The following ARHGAP39 variants were observed in gnomAD, a reference collection of about 807,000 sequenced individuals.
ARHGAP39 encodes the protein Rho GTPase activating protein 39.
In ARHGAP39, 44 loss-of-function variants were observed where a neutral mutation model predicts 106.9. That is an observed-to-expected ratio of 0.41 (90% CI 0.32 to 0.53). The LOEUF is 0.53. Ranked by LOEUF, ARHGAP39 falls within the 20% of genes least tolerant of loss-of-function variation. The pLI, the probability that ARHGAP39 is intolerant of heterozygous loss-of-function variation, is 0.21. For synonymous variants in ARHGAP39, 768 were observed against 693.2 expected, an observed-to-expected ratio of 1.11 and a Z score of -1.69; for missense variants, 1,496 against 1,577.3, an observed-to-expected ratio of 0.95 and a Z score of 0.87.
rs976457171 is a variant in ARHGAP39, at chr8:144,641,483, C to T, written c.-81-35788G>A. 2.6e-5 allele frequency among the ~76,000 whole-genome samples: 4 copies of T among 152,028 alleles called. No individual in the cohort carries two copies. Among genetic ancestry groups the T allele is most frequent in the African/African-American group, 7.2e-5 (3 of 41,386 alleles). ...CAGTGGCGCCCAGGTGGCCAACTCC[C>T]GAGGCAGGAGCTCAGGCAGGGCCCT... On this transcript the variant is annotated intron_variant, in intron 1 of 11. Transcript: ENST00000377307. This position sits in a 1 kb window ranked among gnomAD's most constrained non-coding sequence, Gnocchi z 5.2.
At chr8:144,598,429 G>A (rs1297132086) in intron 2 of ARHGAP39, among the ~76,000 whole-genome samples, 4 of 152,202 alleles carry the variant, frequency 2.6e-5, no homozygotes, top group Non-Finnish European at 5.9e-5. Context: ...AGAGACTCTC[G>A]ATGAGTCAGG....
At chr8:144,606,830 T>C (rs1820310129) in intron 1 of ARHGAP39, among the ~76,000 whole-genome samples, 1 of 152,076 alleles carries the variant, frequency 6.6e-6, no homozygotes, top group African/African-American at 2.4e-5. Context: ...ATGTTAAAAG[T>C]AAAATAATAA....
intron 1 of ARHGAP39, among the ~76,000 whole-genome samples, chr8:144,620,815 G>A (rs964563035): frequency 3.3e-5 from 5 of 152,258 alleles, no homozygotes; most frequent in Non-Finnish European, 5.9e-5. Flanking sequence ...GGGACAGGCA[G>A]GGACTGTGAG....
At chr8:144,543,032 C>T (rs896851991) in intron 6 of ARHGAP39, among the ~76,000 whole-genome samples, 10 of 151,682 alleles carry the variant, frequency 6.6e-5, no homozygotes, top group African/African-American at 2.2e-4. Flanking sequence ...TGCAGTGGTA[C>T]GATCATGACT....
chr8:144,547,233 CTCCAGT>C lies in ARHGAP39; in HGVS notation c.1847_1852del (p.His616_Trp617del), dbSNP rs1564840180. 1.2e-6 allele frequency: 2 copies of C among 1,612,642 alleles called. No individual in the cohort carries two copies. Among genetic ancestry groups the C allele is most frequent in the Non-Finnish European group, 1.7e-6 (2 of 1,179,806 alleles). On this transcript the variant is annotated inframe_deletion, in exon 5 of 12. Coordinates refer to ENST00000377307, the MANE Select transcript of ARHGAP39 (RefSeq NM_025251.3). This position sits in a 1 kb window ranked among gnomAD's most constrained non-coding sequence, Gnocchi z 5.2. ...GCCTAGCTTCTCGAAGGTGCCCCTC[CTCCAGT>C]GCCTGTTCTCCTGCTGGGCCAGCGC...
intron 1 of ARHGAP39, among the ~76,000 whole-genome samples, chr8:144,660,397 T>C (rs188388080): frequency 1.3e-5 from 2 of 152,328 alleles, no homozygotes; most frequent in African/African-American, 2.4e-5. Context: ...CAAGGTCACA[T>C]CACTTTCATC....
At chr8:144,639,325 CA>C (rs1320599462) in intron 1 of ARHGAP39, among the ~76,000 whole-genome samples, 226 of 64,878 alleles carry the variant, frequency 3.5e-3, no homozygotes, top group South Asian at 8.4e-3. Context: ...GATGCTGTCT[CA>C]AAAAAAAAAA....
rs781696294 is a variant in ARHGAP39, at chr8:144,532,376, T to G, written c.2909A>C (p.Glu970Ala). Residue 970 changes from glutamate (E) to alanine (A), a missense_variant, in exon 10 of 12, where the codon GAG (glutamate) becomes GCG (alanine). Glu to Ala is a moderately radical substitution (Grantham distance 107, BLOSUM62 -1). Transcript: ENST00000377307. ...CACCTGCAGCTTCAGGGCATTCACC[T>G]CGTCAATGTCCCCAGGGACCCTGCA... ...GIFRVPGDID[E>A]VNALKLQVDQ... 1 of 1,606,560 alleles carries G rather than the reference T, an allele frequency of 6.2e-7. No homozygotes were observed. The highest frequency in any genetic ancestry group is 8.5e-7 in the Non-Finnish European group (1 of 1,177,488).
intron 4 of ARHGAP39, among the ~76,000 whole-genome samples, chr8:144,553,636 C>T (rs532225967): frequency 6.6e-5 from 10 of 152,356 alleles, no homozygotes; most frequent in African/African-American, 2.4e-4. Flanking sequence ...GGACCTCTGT[C>T]CCAAGGTCTC....
chr8:144,534,019 C>T (rs749080378), intron 8 of ARHGAP39, 110 bp downstream of exon 8: 8 of 1,254,754 alleles, frequency 6.4e-6, no homozygotes, highest in Non-Finnish European at 9.0e-6. Flanking sequence ...CCATGTGGCA[C>T]CCTCTGCGCT....
chr8:144,693,662 C>G, the ARHGAP39 span, among the ~76,000 whole-genome samples: 2 of 152,108 alleles, frequency 1.3e-5, no homozygotes, highest in East Asian at 1.9e-4. Context: ...CGTGAGCCAC[C>G]GCGCCCAGCC....
At chr8:144,696,020 GA>G in the ARHGAP39 span, among the ~76,000 whole-genome samples, 1 of 152,184 alleles carries the variant, frequency 6.6e-6, no homozygotes, top group Admixed American at 6.5e-5. Context: ...GTGATTAAAG[GA>G]AAGAGGGAGA....
rs979985104 is a variant in ARHGAP39, at chr8:144,548,486, G to A, written c.600C>T (p.Thr200=). The A allele has an allele frequency of 6.2e-7, 1 of 1,608,166 alleles. No homozygotes were observed. Reference sequence around the variant, plus strand: ...CGCCCGAGTTCCACCGCAGCGAGGAGGTCCTGCGTGGGGGGTGGACGGGCA... The same window carrying A: ...CGCCCGAGTTCCACCGCAGCGAGGAAGTCCTGCGTGGGGGGTGGACGGGCA... The part of the protein sequence containing the change: ...SADGQLLHYR[T]SSLRWNSGAK... Residue 200 remains threonine, a synonymous_variant, in exon 5 of 12, where the codon ACC becomes ACT. Coordinates refer to ENST00000377307, the MANE Select transcript of ARHGAP39 (RefSeq NM_025251.3). The surrounding 1 kb of genome is among the most constrained non-coding windows in gnomAD (Gnocchi z 7.4).
intron 1 of ARHGAP39, among the ~76,000 whole-genome samples, chr8:144,631,315 C>T (rs1586627218): frequency 6.6e-6 from 1 of 152,228 alleles, no homozygotes; most frequent in South Asian, 2.1e-4. Flanking sequence ...CAGGAACGGA[C>T]GAGGCCCCAT....
intron 1 of ARHGAP39, among the ~76,000 whole-genome samples, chr8:144,655,160 C>A (rs1336119397): frequency 6.6e-6 from 1 of 152,148 alleles, no homozygotes; most frequent in Non-Finnish European, 1.5e-5. Context: ...CCCGGTGAGG[C>A]CCCACCTCAG....
At chr8:144,640,490 C>T (rs1821285840) in intron 1 of ARHGAP39, among the ~76,000 whole-genome samples, 1 of 152,224 alleles carries the variant, frequency 6.6e-6, no homozygotes, top group African/African-American at 2.4e-5. Context: ...ACTTGCTCCT[C>T]CTTGCCTTGC....
At chr8:144,635,060 T>C (rs1333331807) in intron 1 of ARHGAP39, among the ~76,000 whole-genome samples, 1 of 152,274 alleles carries the variant, frequency 6.6e-6, no homozygotes, top group Non-Finnish European at 1.5e-5. Context: ...CTGGTGATAC[T>C]GTAAAATGTG....
rs756357950 is a variant in ARHGAP39, at chr8:144,548,059, C to A, written c.1027G>T (p.Gly343Cys). ...CGGCCCGGCGACCGCTGGGGAGAGCCGGCCTGGTAGCCCCCGCCAGCCTCG... is the reference window on the plus strand; with the variant it reads ...CGGCCCGGCGACCGCTGGGGAGAGCAGGCCTGGTAGCCCCCGCCAGCCTCG... ...QFEAGGGYQA[G>C]SPQRSPGRKP... is the part of the protein sequence containing the mutation. Residue 343 changes from glycine (G) to cysteine (C), a missense_variant, in exon 5 of 12, where the codon GGC (glycine) becomes TGC (cysteine). By Grantham distance (159) the Gly-to-Cys change is radical. Around this residue, in one of 4 missense-constraint regions of ARHGAP39, gnomAD observed 905 missense variants for 816.4 expected, o/e 1.11. Coordinates refer to ENST00000377307, the MANE Select transcript of ARHGAP39 (RefSeq NM_025251.3). The surrounding 1 kb of genome is among the most constrained non-coding windows in gnomAD (Gnocchi z 7.4). The A allele has an allele frequency of 3.3e-5, 52 of 1,596,494 alleles. No homozygotes were observed. The highest frequency in any genetic ancestry group is 4.4e-5 in the Non-Finnish European group (51 of 1,172,402).
intron 7 of ARHGAP39, among the ~76,000 whole-genome samples, chr8:144,535,813 A>C (rs1816931560): frequency 6.6e-6 from 1 of 152,192 alleles, no homozygotes; most frequent in African/African-American, 2.4e-5. Context: ...ATCATAATGC[A>C]GTCTCTCTGT....
Sources: allele counts gnomAD v4.1 joint callset (sites outside exome capture counted in the v4.1 genomes callset), GRCh38; gene constraint gnomAD v4.1.1; regional missense constraint gnomAD v4.1.1; non-coding constraint Gnocchi (gnomAD v3.1); transcripts MANE v1.5; gene names NCBI Gene and HGNC (gene_info 2026-07-23, HGNC 2026-07-21).